Variants in SYNPO2 observed in about 807,000 individuals in gnomAD.
The protein encoded by SYNPO2 is synaptopodin 2, also known as synaptopodin-2.
A neutral mutation model predicts 85.0 loss-of-function variants in SYNPO2; 56 were observed. The observed-to-expected ratio is 0.66, with a 90% CI of 0.53 to 0.82. SYNPO2 has a LOEUF of 0.82. Ranked by LOEUF, SYNPO2 falls within the 40% of genes least tolerant of loss-of-function variation. The pLI is 0.00. For synonymous variants in SYNPO2, 602 were observed against 591.1 expected, an observed-to-expected ratio of 1.02 and a Z score of -0.27; for missense variants, 1,575 against 1,534.2, an observed-to-expected ratio of 1.03 and a Z score of -0.44.
chr4:118,991,209 G>T (rs1372909195), intron 1 of SYNPO2, among the ~76,000 whole-genome samples: 1 of 152,080 alleles, frequency 6.6e-6, no homozygotes, highest in Admixed American at 6.6e-5. Context: ...GTGTAGTGGG[G>T]CCATCTTGAC....
At chr4:119,032,929 T>TTA in intron 4 of SYNPO2, 15 of 905,270 alleles carry the variant, frequency 1.7e-5, no homozygotes, top group Non-Finnish European at 1.8e-5. Flanking sequence ...AAAGGTTGAT[T>TTA]CCCACCCTCC....
intron 4 of SYNPO2, among the ~76,000 whole-genome samples, chr4:119,052,477 G>T (rs993317806): frequency 6.6e-6 from 1 of 152,178 alleles, no homozygotes; most frequent in African/African-American, 2.4e-5. Context: ...GGCCTGTCTG[G>T]CCCCAAGAGT....
chr4:118,882,838 C>T (rs954797196), intron 1 of SYNPO2, among the ~76,000 whole-genome samples: 58 of 151,406 alleles, frequency 3.8e-4, no homozygotes, highest in Non-Finnish European at 7.7e-4. Context: ...GGTGCGATCT[C>T]GGCTCACTGC....
chr4:118,891,100 T>C (rs2149113784), intron 1 of SYNPO2, among the ~76,000 whole-genome samples: 1 of 152,224 alleles, frequency 6.6e-6, no homozygotes, highest in East Asian at 1.9e-4. Flanking sequence ...GCTAATGGCA[T>C]CTCTATTTTC....
At chr4:118,974,659 G>A (rs532881014) in intron 1 of SYNPO2, among the ~76,000 whole-genome samples, 10 of 152,272 alleles carry the variant, frequency 6.6e-5, no homozygotes, top group East Asian at 1.9e-4. Flanking sequence ...AGAGAGCTGG[G>A]ATTTTAGGGT....
intron 1 of SYNPO2, among the ~76,000 whole-genome samples, chr4:118,909,477 C>T (rs773022110): frequency 7.9e-5 from 12 of 152,120 alleles, no homozygotes; most frequent in South Asian, 2.1e-4. Context: ...AGAGAGAGTA[C>T]GTGGGAACTT....
At chr4:118,873,947 CCCACCGGCA>C (rs1448608240) in intron 1 of SYNPO2, among the ~76,000 whole-genome samples, 1 of 111,370 alleles carries the variant, frequency 9.0e-6, no homozygotes, top group African/African-American at 3.1e-5. Context: ...GTGTCCTTTT[CCCACCGGCA>C]TTTATTAAAA....
At chr4:118,877,076 G>T (rs1731939686) in intron 1 of SYNPO2, among the ~76,000 whole-genome samples, 1 of 151,992 alleles carries the variant, frequency 6.6e-6, no homozygotes, top group African/African-American at 2.4e-5. Context: ...AAAATGCTGG[G>T]ATTGCAGGGA....
At chr4:118,976,119 G>T (rs568073195) in intron 1 of SYNPO2, among the ~76,000 whole-genome samples, 1 of 152,318 alleles carries the variant, frequency 6.6e-6, no homozygotes, top group East Asian at 1.9e-4. Flanking sequence ...CTTCAAGAAT[G>T]AAGCCGCGGA....
At chr4:118,987,978 A>G (rs1337308642) in intron 1 of SYNPO2, among the ~76,000 whole-genome samples, 1 of 152,206 alleles carries the variant, frequency 6.6e-6, no homozygotes, top group Non-Finnish European at 1.5e-5. Flanking sequence ...AATTCTCAAT[A>G]AATATTAAAA....
chr4:119,004,715 G>A (rs1284701911), intron 1 of SYNPO2, among the ~76,000 whole-genome samples: 3 of 149,034 alleles, frequency 2.0e-5, no homozygotes, highest in Non-Finnish European at 4.5e-5. Context: ...ATAGCAGCAT[G>A]ATTTATAATC....
intron 1 of SYNPO2, among the ~76,000 whole-genome samples, chr4:118,991,630 A>T (rs1267422685): frequency 2.0e-5 from 3 of 152,150 alleles, no homozygotes; most frequent in African/African-American, 7.2e-5. Context: ...AAGAAGAAAG[A>T]GGTATATGTT....
rs2149202698 is a variant in SYNPO2 at position 119,057,631 on chromosome 4, T to C, written c.3483T>C (p.Val1161=). ...AGGAATCCATTGTGGCAAATGTGGT[T>C]TCAGCAGCTCGGAGGAAGGTGCTTC... The part of the protein sequence containing the change: ...NIQESIVANV[V]SAARRKVLPG... Residue 1161 remains valine, a synonymous_variant, in exon 5 of 5, where the codon GTT becomes GTC. Coordinates refer to ENST00000307142, the MANE Select transcript of SYNPO2 (RefSeq NM_133477.3). 1.2e-6 allele frequency: 2 copies of C among 1,614,134 alleles called. No individual in the cohort carries two copies. Among genetic ancestry groups the C allele is most frequent in the Non-Finnish European group, 1.7e-6 (2 of 1,180,020 alleles).
At chr4:118,945,507 TA>T (rs747149712) in intron 1 of SYNPO2, among the ~76,000 whole-genome samples, 7 of 152,198 alleles carry the variant, frequency 4.6e-5, no homozygotes, top group African/African-American at 7.2e-5. Flanking sequence ...TCTATTAAGA[TA>T]AAAATGCTAG....
intron 1 of SYNPO2, among the ~76,000 whole-genome samples, chr4:118,930,751 C>CA (rs3051232): frequency 0.12 from 14,236 of 119,882 alleles, 1,275 homozygotes; most frequent in African/African-American, 0.27. Context: ...CCCATATCTA[C>CA]AAAAAAAAAA....
intron 1 of SYNPO2, among the ~76,000 whole-genome samples, chr4:118,879,424 G>A (rs941422701): frequency 6.6e-6 from 1 of 152,150 alleles, no homozygotes; most frequent in African/African-American, 2.4e-5. Flanking sequence ...AAGGTAATTA[G>A]CTCATGAGGA....
intron 1 of SYNPO2, among the ~76,000 whole-genome samples, chr4:118,938,412 C>A (rs1358324134): frequency 6.6e-6 from 1 of 151,896 alleles, no homozygotes; most frequent in Non-Finnish European, 1.5e-5. Context: ...GGGTTTTTCC[C>A]AAATATTTTT....
chr4:118,889,444 T>C (rs1732291467), intron 1 of SYNPO2, among the ~76,000 whole-genome samples: 1 of 152,184 alleles, frequency 6.6e-6, no homozygotes, highest in Admixed American at 6.5e-5. Flanking sequence ...GGGGAGCGTT[T>C]CTTCCAGGCA....
chr4:118,943,810 G>C (rs138407653), intron 1 of SYNPO2, among the ~76,000 whole-genome samples: 19 of 152,282 alleles, frequency 1.2e-4, no homozygotes, highest in African/African-American at 4.3e-4. Context: ...ATGAGTGTTA[G>C]AAATGTCTTA....
Sources: allele counts gnomAD v4.1 joint callset (sites outside exome capture counted in the v4.1 genomes callset), GRCh38; gene constraint gnomAD v4.1.1; transcripts MANE v1.5; gene names NCBI Gene and HGNC (gene_info 2026-07-23, HGNC 2026-07-21).